SLC9A9: variants seen among roughly 807,000 people sequenced by gnomAD.
SLC9A9 encodes sodium/hydrogen exchanger 9.
Under a neutral mutation model 77.8 loss-of-function variants are expected in SLC9A9, and 62 were observed. The observed-to-expected ratio is 0.80, with a 90% confidence interval of 0.65 to 0.98. SLC9A9 has a LOEUF of 0.98. Among genes scored for constraint, SLC9A9 ranks in the 50% least tolerant of loss-of-function variants. The pLI, the probability that SLC9A9 is intolerant of heterozygous loss-of-function variation, is 0.00. For synonymous variants in SLC9A9, 320 were observed against 283.5 expected (o/e 1.13, Z -1.29); for missense variants, 775 against 774.9 (o/e 1.00, Z 0.00).
intron 5 of SLC9A9, among the ~76,000 whole-genome samples, chr3:143,666,128 T>C (rs1337544771): frequency 6.6e-6 from 1 of 152,164 alleles, no homozygotes; most frequent in Non-Finnish European, 1.5e-5. Context: ...TCAAAAAGCT[T>C]ATCCACCACG....
At chr3:143,826,214 G>A (rs139461524) in intron 2 of SLC9A9, among the ~76,000 whole-genome samples, 23 of 150,628 alleles carry the variant, frequency 1.5e-4, no homozygotes, top group Admixed American at 4.6e-4. Context: ...AGCTGGAATC[G>A]TACCACTGTA....
intron 6 of SLC9A9, among the ~76,000 whole-genome samples, chr3:143,590,605 C>T (rs1272852460): frequency 6.6e-6 from 1 of 152,192 alleles, no homozygotes; most frequent in East Asian, 1.9e-4. Context: ...TGTTAACAAT[C>T]ACTAAGCATG....
chr3:143,718,594 C>T (rs771999414), intron 4 of SLC9A9, among the ~76,000 whole-genome samples: 1 of 152,220 alleles, frequency 6.6e-6, no homozygotes, highest in Non-Finnish European at 1.5e-5. Context: ...GGTTCCACCA[C>T]CTTCCTGGCC....
In SLC9A9 at chr3:143,759,970, T is replaced by C. The variant is rs145114448; in HGVS notation, c.533+35031A>G. On this transcript the variant is annotated intron_variant, in intron 4 of 15. Transcript: ENST00000316549. ...ATCTCCGCACCCAAATCTCACACGG[T>C]TTATTGTGAATATTCATGAGCACTT... Among the ~76,000 whole-genome samples the C allele has an allele frequency of 4.3e-3, 652 of 152,208 alleles. 2 individuals carry two copies. Among genetic ancestry groups the C allele is most frequent in the African/African-American group, 0.015 (610 of 41,548 alleles).
intron 9 of SLC9A9, among the ~76,000 whole-genome samples, chr3:143,546,517 A>C (rs144355543): frequency 6.6e-6 from 1 of 152,358 alleles, no homozygotes; most frequent in Non-Finnish European, 1.5e-5. Context: ...AAAGTAAATG[A>C]CTAATTATCT....
chr3:143,720,606 C>T (rs760115213), intron 4 of SLC9A9, among the ~76,000 whole-genome samples: 1 of 152,184 alleles, frequency 6.6e-6, no homozygotes, highest in Admixed American at 6.5e-5. Context: ...TCTCCTAGGC[C>T]TGTGGTGTCC....
At chr3:143,401,149 C>T in intron 12 of SLC9A9, among the ~76,000 whole-genome samples, 1 of 152,114 alleles carries the variant, frequency 6.6e-6, no homozygotes, top group East Asian at 1.9e-4. Context: ...GAAGTACTGG[C>T]AGGATACTGG....
intron 2 of SLC9A9, among the ~76,000 whole-genome samples, chr3:143,809,506 C>T (rs2008808401): frequency 6.6e-6 from 1 of 152,186 alleles, no homozygotes; most frequent in African/African-American, 2.4e-5. Context: ...GGATCTGCTG[C>T]TGTACTAACC....
At chr3:143,838,570 T>C (rs971005182) in intron 1 of SLC9A9, among the ~76,000 whole-genome samples, 2 of 152,056 alleles carry the variant, frequency 1.3e-5, no homozygotes, top group African/African-American at 4.8e-5. Flanking sequence ...AGAGAGGACA[T>C]GGAGAGGAAG....
intron 12 of SLC9A9, among the ~76,000 whole-genome samples, chr3:143,464,144 GT>G (rs1257158587): frequency 6.6e-6 from 1 of 152,172 alleles, no homozygotes; most frequent in Non-Finnish European, 1.5e-5. Flanking sequence ...TATCACGTTT[GT>G]CTTCGTGTCT....
chr3:143,571,268 C>T (rs1274451964), intron 8 of SLC9A9, among the ~76,000 whole-genome samples: 2 of 152,144 alleles, frequency 1.3e-5, no homozygotes, highest in Admixed American at 6.6e-5. Context: ...TATTTAATAG[C>T]TCTTTCCATT....
At chr3:143,797,651 G>A (rs894969554) in intron 2 of SLC9A9, among the ~76,000 whole-genome samples, 2 of 151,996 alleles carry the variant, frequency 1.3e-5, no homozygotes, top group African/African-American at 4.8e-5. Flanking sequence ...AAAATGGCCT[G>A]TTCCTGCCTT....
intron 14 of SLC9A9, among the ~76,000 whole-genome samples, chr3:143,356,925 A>G (rs1236115763): frequency 6.6e-6 from 1 of 152,176 alleles, no homozygotes; most frequent in Non-Finnish European, 1.5e-5. Flanking sequence ...AGCCAACCTA[A>G]ATACCCCAAA....
intron 11 of SLC9A9, among the ~76,000 whole-genome samples, chr3:143,480,613 C>T (rs1388538356): frequency 6.6e-6 from 1 of 152,176 alleles, no homozygotes; most frequent in African/African-American, 2.4e-5. Context: ...CATAGCTTTG[C>T]TCACTAATGC....
chr3:143,794,508 G>A (rs1177207121), intron 4 of SLC9A9, among the ~76,000 whole-genome samples: 1 of 152,114 alleles, frequency 6.6e-6, no homozygotes, highest in Non-Finnish European at 1.5e-5. Flanking sequence ...GCATTCTACA[G>A]GGTATTAACT....
chr3:143,622,544 A>C (rs569806515), intron 6 of SLC9A9, among the ~76,000 whole-genome samples: 42 of 152,294 alleles, frequency 2.8e-4, no homozygotes, highest in East Asian at 7.7e-4. Context: ...GAAATAAAAT[A>C]CTTTACAGAC....
intron 9 of SLC9A9, among the ~76,000 whole-genome samples, chr3:143,543,266 C>T (rs113641551): frequency 1.8e-4 from 27 of 152,288 alleles, no homozygotes; most frequent in Admixed American, 1.5e-3. Context: ...GTCTTCCACA[C>T]GCTTCCCTTC....
chr3:143,391,710 T>C (rs1434928212), intron 12 of SLC9A9, among the ~76,000 whole-genome samples: 1 of 152,144 alleles, frequency 6.6e-6, no homozygotes, highest in African/African-American at 2.4e-5. Context: ...TGAAAAAAGA[T>C]TAGACGAATG....
rs747337131 is a variant in SLC9A9, at chr3:143,493,653, C to T, written c.1315G>A (p.Gly439Ser). Residue 439 changes from glycine (G) to serine (S), a missense_variant and splice_region_variant, in exon 11 of 16, where the codon GGT becomes AGT. Physicochemically the swap from Gly to Ser is moderately conservative, Grantham distance 56. Transcript: ENST00000316549. The part of the protein sequence containing the change: ...WNFQHMMMFS[G>S]LRGAIAFALA... ...CTAACATATAACATAGTTCACATACCTGAAAACATCATCATGTGCTGAAAG... is the reference window on the plus strand; with the variant it reads ...CTAACATATAACATAGTTCACATACTTGAAAACATCATCATGTGCTGAAAG... 5 of 1,611,622 alleles carry T rather than the reference C, an allele frequency of 3.1e-6. No homozygotes were observed. Among genetic ancestry groups the T allele is most frequent in the Admixed American group, 3.3e-5 (2 of 60,018 alleles).
Sources: allele counts gnomAD v4.1 joint callset (sites outside exome capture counted in the v4.1 genomes callset), GRCh38; gene constraint gnomAD v4.1.1; transcripts MANE v1.5; gene names NCBI Gene and HGNC (gene_info 2026-07-23, HGNC 2026-07-21).